Variants in MACROD2 observed in about 807,000 individuals in gnomAD.
MACROD2 encodes the protein mono-ADP ribosylhydrolase 2.
MACROD2 carries 36 observed loss-of-function variants against 70.4 expected under a neutral mutation model. The observed-to-expected ratio is 0.51, with a 90% CI of 0.39 to 0.68. MACROD2 has a LOEUF of 0.68. Ranked by LOEUF, MACROD2 falls within the 30% of genes least tolerant of loss-of-function variation. MACROD2 has a pLI of 0.00. For missense variants in MACROD2, 496 were observed against 538.4 expected, an observed-to-expected ratio of 0.92 and a Z score of 0.78; for synonymous variants, 172 against 178.8, an observed-to-expected ratio of 0.96 and a Z score of 0.30.
At chr20:14,389,336 C>T (rs1452080979) in intron 3 of MACROD2, among the ~76,000 whole-genome samples, 3 of 147,662 alleles carry the variant, frequency 2.0e-5, no homozygotes, top group African/African-American at 7.5e-5. Flanking sequence ...GCAGGAGAAT[C>T]GCTTGAACCC....
At chr20:15,660,754 A>G (rs1406437248) in intron 8 of MACROD2, among the ~76,000 whole-genome samples, 2 of 152,190 alleles carry the variant, frequency 1.3e-5, no homozygotes, top group South Asian at 2.1e-4. Context: ...TGTGGTGTGC[A>G]TGTGTGGGAT....
intron 3 of MACROD2, among the ~76,000 whole-genome samples, chr20:14,188,790 A>G (rs1161767573): frequency 1.3e-5 from 2 of 152,150 alleles, no homozygotes; most frequent in Admixed American, 6.5e-5. Context: ...TTAAATTGGA[A>G]TGCTAATGAG....
intron 3 of MACROD2, among the ~76,000 whole-genome samples, chr20:14,161,191 C>CTTTTTTTT (rs376789442): frequency 7.3e-6 from 1 of 136,932 alleles, no homozygotes; most frequent in Non-Finnish European, 1.6e-5. Flanking sequence ...TTTTCTTTTT[C>CTTTTTTTT]TTTTTTTTTT....
At chr20:15,223,250 A>G (rs137866527) in intron 5 of MACROD2, among the ~76,000 whole-genome samples, 72 of 152,362 alleles carry the variant, frequency 4.7e-4, no homozygotes, top group Admixed American at 4.6e-3. Flanking sequence ...GATTAAATGT[A>G]CAAATCGCAT....
At chr20:15,116,706 T>C (rs2075994345) in intron 5 of MACROD2, among the ~76,000 whole-genome samples, 1 of 152,228 alleles carries the variant, frequency 6.6e-6, no homozygotes, top group African/African-American at 2.4e-5. Context: ...TCTTCTTTTA[T>C]CTAGCTGACT....
chr20:14,351,888 G>A (rs2083126177), intron 3 of MACROD2, among the ~76,000 whole-genome samples: 1 of 152,088 alleles, frequency 6.6e-6, no homozygotes, highest in Admixed American at 6.6e-5. Flanking sequence ...CTGTTATGTT[G>A]AGGTTCATTT....
Position 15,466,436 on chromosome 20 carries a change from T to C in MACROD2, c.572-33338T>C, listed in dbSNP as rs538436342. Among the ~76,000 whole-genome samples, 16 of 152,312 alleles carry C rather than the reference T, an allele frequency of 1.1e-4. No individual in the cohort carries two copies. The East Asian group carries it at 3.1e-3, about 29-fold the overall frequency. On this transcript the variant is annotated intron_variant, in intron 7 of 17. Transcript: ENST00000684519. ...CAAAGGCTGGTAAAAGAACACAAGA[T>C]GGTGTGATTCATTTAGGGTCTGACA...
At chr20:14,764,282 C>G (rs1333451846) in intron 5 of MACROD2, among the ~76,000 whole-genome samples, 1 of 152,074 alleles carries the variant, frequency 6.6e-6, no homozygotes, top group Non-Finnish European at 1.5e-5. Flanking sequence ...CCAGCACTCC[C>G]AAGCCTGCAG....
chr20:15,749,503 A>C (rs913749178), intron 8 of MACROD2, among the ~76,000 whole-genome samples: 3 of 152,096 alleles, frequency 2.0e-5, no homozygotes, highest in Admixed American at 1.3e-4. Flanking sequence ...AAAAAGAATA[A>C]ATTTTACAGG....
At chr20:15,715,752 C>T (rs748626830) in intron 8 of MACROD2, among the ~76,000 whole-genome samples, 4 of 152,074 alleles carry the variant, frequency 2.6e-5, no homozygotes, top group Non-Finnish European at 4.4e-5. Flanking sequence ...ATAATTGGAA[C>T]GAGTACAATG....
chr20:14,810,726 G>A (rs991500749), intron 5 of MACROD2, among the ~76,000 whole-genome samples: 2 of 151,920 alleles, frequency 1.3e-5, no homozygotes, highest in South Asian at 2.1e-4. Flanking sequence ...AGCTGATAAG[G>A]AACTTCAGCA....
chr20:14,284,357 T>C (rs1242120776), intron 3 of MACROD2, among the ~76,000 whole-genome samples: 2 of 152,210 alleles, frequency 1.3e-5, no homozygotes, highest in Non-Finnish European at 2.9e-5. Flanking sequence ...CAGAATATTT[T>C]TGTCTACTCT....
intron 8 of MACROD2, among the ~76,000 whole-genome samples, chr20:15,656,796 A>G (rs1029312134): frequency 6.6e-6 from 1 of 152,236 alleles, no homozygotes; most frequent in Non-Finnish European, 1.5e-5. Flanking sequence ...AAAGCATAGG[A>G]AAATTAATAA....
chr20:15,759,767 C>T (rs2051407461), intron 8 of MACROD2, among the ~76,000 whole-genome samples: 1 of 152,174 alleles, frequency 6.6e-6, no homozygotes, highest in South Asian at 2.1e-4. Flanking sequence ...GTTTTAATAA[C>T]TGTTTTATGT....
At chr20:14,964,069 G>C (rs559441971) in intron 5 of MACROD2, among the ~76,000 whole-genome samples, 1 of 151,918 alleles carries the variant, frequency 6.6e-6, no homozygotes, top group Admixed American at 6.6e-5. Flanking sequence ...TTTCTTCTCT[G>C]TATAAGGTGA....
At chr20:14,663,614 G>A (rs1008401354) in intron 4 of MACROD2, among the ~76,000 whole-genome samples, 1 of 150,450 alleles carries the variant, frequency 6.6e-6, no homozygotes, top group Admixed American at 6.6e-5. Context: ...TATATATGAG[G>A]TAAAATATTA....
At chr20:15,602,474 A>G (rs1260528482) in intron 8 of MACROD2, among the ~76,000 whole-genome samples, 1 of 152,132 alleles carries the variant, frequency 6.6e-6, no homozygotes, top group South Asian at 2.1e-4. Flanking sequence ...CTGCATGCAT[A>G]TCTTCATTTC....
intron 5 of MACROD2, among the ~76,000 whole-genome samples, chr20:15,010,229 G>T (rs2075071889): frequency 6.6e-6 from 1 of 152,154 alleles, no homozygotes; most frequent in Admixed American, 6.5e-5. Context: ...ACCTTATGCA[G>T]AACCTCATTT....
chr20:15,200,091 C>T (rs1220349589), intron 5 of MACROD2, among the ~76,000 whole-genome samples: 1 of 152,142 alleles, frequency 6.6e-6, no homozygotes, highest in African/African-American at 2.4e-5. Flanking sequence ...AACCTGCCTC[C>T]AAATTTATCT....
Sources: gnomAD v4.1 joint callset for allele counts (sites outside exome capture counted in the v4.1 genomes callset) on GRCh38, gnomAD v4.1.1 for gene constraint, MANE v1.5 for transcripts, NCBI Gene and HGNC (gene_info 2026-07-23, HGNC 2026-07-21) for gene names.